The following CADM2 variants were observed in gnomAD, a reference collection of about 807,000 sequenced individuals.
The protein encoded by CADM2 is immunoglobulin superfamily member 4D.
A neutral mutation model predicts 49.8 loss-of-function variants in CADM2; 12 were observed. The observed-to-expected ratio is 0.24, with a 90% CI of 0.15 to 0.39. The LOEUF (loss-of-function observed/expected upper bound fraction) is 0.39. CADM2 is among the 10% of genes least tolerant of loss of function. The probability of loss-of-function intolerance (pLI) is 1.00; values close to 1 mark genes in which losing one functional copy is unlikely to be tolerated. For missense variants in CADM2, 378 were observed against 492.3 expected, an observed-to-expected ratio of 0.77 and a Z score of 2.20; for synonymous variants, 214 against 175.4, an observed-to-expected ratio of 1.22 and a Z score of -1.74.
intron 8 of CADM2, among the ~76,000 whole-genome samples, chr3:86,033,769 A>G (rs1734833628): frequency 6.8e-6 from 1 of 146,540 alleles, no homozygotes; most frequent in South Asian, 2.1e-4. Flanking sequence ...ATATATACAC[A>G]TTAATTATAT....
At chr3:85,804,681 A>G (rs941886248) in intron 3 of CADM2, among the ~76,000 whole-genome samples, 1 of 152,152 alleles carries the variant, frequency 6.6e-6, no homozygotes, top group Non-Finnish European at 1.5e-5. Flanking sequence ...GTTATCCTCT[A>G]AAAAACATCT....
chr3:85,458,507 G>A (rs1249951618), intron 1 of CADM2, among the ~76,000 whole-genome samples: 2 of 152,144 alleles, frequency 1.3e-5, no homozygotes, highest in African/African-American at 4.8e-5. Flanking sequence ...TTGAAAAGTA[G>A]AGAATTAGAA....
chr3:85,562,661 T>C (rs890614272), intron 1 of CADM2, among the ~76,000 whole-genome samples: 6 of 152,070 alleles, frequency 3.9e-5, no homozygotes, highest in African/African-American at 1.4e-4. Context: ...CATGCAATCA[T>C]CTCTTTCTCT....
Position 85,467,621 on chromosome 3 carries a change from A to C in CADM2, c.62-258901A>C, listed in dbSNP as rs201093081. ...AATTAAAAGGCTAATTAAAAAAAAAACACTCTGTTAACTTTTGAAAGATTC... is the reference window on the plus strand; with the variant it reads ...AATTAAAAGGCTAATTAAAAAAAAACCACTCTGTTAACTTTTGAAAGATTC... On this transcript the variant is annotated intron_variant, in intron 1 of 9. Transcript: ENST00000383699. Among the ~76,000 whole-genome samples, 36 of 151,938 alleles carry C rather than the reference A, an allele frequency of 2.4e-4. 1 individual carries two copies. The East Asian group carries it at 2.7e-3, about 11-fold the overall frequency.
intron 1 of CADM2, among the ~76,000 whole-genome samples, chr3:85,112,195 T>C (rs1217284328): frequency 6.6e-6 from 1 of 151,924 alleles, no homozygotes; most frequent in East Asian, 1.9e-4. Context: ...GATATTAAAA[T>C]ATCATAGATC....
chr3:85,219,698 A>T (rs887818527), intron 1 of CADM2, among the ~76,000 whole-genome samples: 2 of 152,124 alleles, frequency 1.3e-5, no homozygotes, highest in Non-Finnish European at 2.9e-5. Flanking sequence ...TTTTAAAAAA[A>T]TATTCTTATA....
chr3:85,067,359 A>C (rs1305561955), intron 1 of CADM2, among the ~76,000 whole-genome samples: 1 of 152,008 alleles, frequency 6.6e-6, no homozygotes, highest in East Asian at 1.9e-4. Context: ...GAGAAACAAA[A>C]AAACATGTTG....
intron 1 of CADM2, among the ~76,000 whole-genome samples, chr3:84,979,376 A>G (rs2032025352): frequency 6.6e-6 from 1 of 152,134 alleles, no homozygotes. Context: ...CTAAGTATAT[A>G]AATCAATAAA....
At chr3:85,551,558 G>A (rs6549037) in intron 1 of CADM2, among the ~76,000 whole-genome samples, 77,876 of 151,888 alleles carry the variant, frequency 0.51, 23,042 homozygotes, top group East Asian at 0.85. Context: ...TTTTTCATGA[G>A]TTAGAAAATT....
chr3:85,061,629 G>A (rs1190716098), intron 1 of CADM2, among the ~76,000 whole-genome samples: 2 of 152,072 alleles, frequency 1.3e-5, no homozygotes, highest in Non-Finnish European at 2.9e-5. Flanking sequence ...GGAAAGTCTA[G>A]TTGAATGTCA....
intron 1 of CADM2, among the ~76,000 whole-genome samples, chr3:85,216,636 G>T (rs966216952): frequency 3.3e-5 from 5 of 151,830 alleles, no homozygotes; most frequent in Non-Finnish European, 7.4e-5. Context: ...AAATATAGTT[G>T]CTCTGGCTGT....
intron 8 of CADM2, chr3:86,013,429 C>T: frequency 6.4e-7 from 1 of 1,568,388 alleles, no homozygotes; most frequent in South Asian, 1.1e-5. Flanking sequence ...GGTCTCTTTA[C>T]CCTAGATAAC....
intron 1 of CADM2, among the ~76,000 whole-genome samples, chr3:85,139,729 A>T (rs990664380): frequency 6.6e-6 from 1 of 152,190 alleles, no homozygotes; most frequent in Admixed American, 6.6e-5. Flanking sequence ...TCTGATGTTA[A>T]CTAATGAAGA....
At chr3:85,989,456 T>G (rs1728497720) in intron 8 of CADM2, among the ~76,000 whole-genome samples, 1 of 152,080 alleles carries the variant, frequency 6.6e-6, no homozygotes, top group South Asian at 2.1e-4. Context: ...TTCAGACCAC[T>G]TTTTTCTCTT....
At chr3:85,572,991 A>G (rs1384189775) in intron 1 of CADM2, among the ~76,000 whole-genome samples, 2 of 151,646 alleles carry the variant, frequency 1.3e-5, no homozygotes, top group Non-Finnish European at 2.9e-5. Flanking sequence ...CACTGTACAT[A>G]TTATCCTAAT....
chr3:85,812,327 C>T (rs1484893554), intron 3 of CADM2, among the ~76,000 whole-genome samples: 1 of 151,776 alleles, frequency 6.6e-6, no homozygotes, highest in African/African-American at 2.4e-5. Flanking sequence ...TGAAAACAGG[C>T]TTTTTTGATA....
intron 3 of CADM2, among the ~76,000 whole-genome samples, chr3:85,848,221 T>TA (rs2074960436): frequency 6.6e-6 from 1 of 152,138 alleles, no homozygotes; most frequent in Non-Finnish European, 1.5e-5. Context: ...CATTACAACT[T>TA]AAAAAATGTA....
At chr3:85,754,242 C>G (rs1559634012) in intron 2 of CADM2, among the ~76,000 whole-genome samples, 1 of 152,170 alleles carries the variant, frequency 6.6e-6, no homozygotes, top group Admixed American at 6.5e-5. Context: ...CTGCTGATCA[C>G]CAGCTTCAGG....
intron 1 of CADM2, among the ~76,000 whole-genome samples, chr3:85,449,559 G>T (rs1166646974): frequency 6.7e-6 from 1 of 148,630 alleles, no homozygotes; most frequent in Admixed American, 6.7e-5. Context: ...GAAATATAAG[G>T]TTTTTTTTTT....
Sources: gnomAD v4.1 joint callset for allele counts (sites outside exome capture counted in the v4.1 genomes callset) on GRCh38, gnomAD v4.1.1 for gene constraint, MANE v1.5 for transcripts, NCBI Gene and HGNC (gene_info 2026-07-23, HGNC 2026-07-21) for gene names.